The following CKAP5 variants were observed in gnomAD, a reference collection of about 807,000 sequenced individuals.
CKAP5 encodes the protein cytoskeleton associated protein 5.
CKAP5 carries 27 observed loss-of-function variants against 232.8 expected under a neutral mutation model. That is an observed-to-expected ratio of 0.12 (90% confidence interval 0.09 to 0.16). CKAP5 has a LOEUF of 0.16. Ranked by LOEUF, CKAP5 falls within the 10% of genes least tolerant of loss-of-function variation. The pLI is 1.00. For missense variants in CKAP5, 1,838 were observed against 2,424.7 expected, an observed-to-expected ratio of 0.76 and a Z score of 5.08; for synonymous variants, 785 against 841.1, an observed-to-expected ratio of 0.93 and a Z score of 1.16.
chr11:46,772,544 A>G (rs769845386), intron 24 of CKAP5, among the ~76,000 whole-genome samples: 4 of 152,168 alleles, frequency 2.6e-5, no homozygotes, highest in Non-Finnish European at 4.4e-5. Context: ...TGAAAAGACT[A>G]TACTTCCTTC....
chr11:46,822,761 AAAAG>A (rs1555167578), intron 1 of CKAP5, among the ~76,000 whole-genome samples: 1 of 118,518 alleles, frequency 8.4e-6, no homozygotes, highest in Admixed American at 9.9e-5. Context: ...AAAAAAAAAA[AAAAG>A]AAAGAAAAGG....
intron 8 of CKAP5, among the ~76,000 whole-genome samples, chr11:46,805,072 A>G (rs1381591401): frequency 7.0e-6 from 1 of 143,134 alleles, no homozygotes; most frequent in Non-Finnish European, 1.5e-5. Flanking sequence ...ACTAAAAATT[A>G]AAAAAAAAAA....
At chr11:46,762,539 G>T in intron 31 of CKAP5, 88 bp downstream of exon 31, 1 of 1,503,008 alleles carries the variant, frequency 6.7e-7, no homozygotes, top group Non-Finnish European at 9.2e-7. Flanking sequence ...ATAGGCACTG[G>T]AGAAATTTAT....
intron 16 of CKAP5, among the ~76,000 whole-genome samples, chr11:46,788,356 C>A (rs1212227332): frequency 6.6e-6 from 1 of 152,218 alleles, no homozygotes; most frequent in African/African-American, 2.4e-5. Flanking sequence ...AGGCGGATCA[C>A]CTGAGGTCAG....
intron 42 of CKAP5, among the ~76,000 whole-genome samples, chr11:46,747,799 C>A (rs1219396521): frequency 6.6e-6 from 1 of 151,848 alleles, no homozygotes; most frequent in African/African-American, 2.4e-5. Context: ...GTGGCTCACA[C>A]CTGAAATCCC....
At chr11:46,820,271 A>C (rs750873842) in intron 2 of CKAP5, among the ~76,000 whole-genome samples, 2 of 152,168 alleles carry the variant, frequency 1.3e-5, no homozygotes, top group Non-Finnish European at 2.9e-5. Flanking sequence ...ATCTGGCCTT[A>C]TTTGAAGAGC....
chr11:46,770,893 T>C lies in CKAP5; in HGVS notation c.3081A>G (p.Leu1027=), dbSNP rs760832216. The C allele has an allele frequency of 1.2e-6, 2 of 1,614,104 alleles. No individual in the cohort carries two copies. The highest frequency in any genetic ancestry group is 1.1e-5 in the South Asian group (1 of 91,076). Residue 1027 remains leucine, a synonymous_variant, in exon 25 of 44, where the codon CTA becomes CTG. Transcript: ENST00000529230. ...ILCVPHLYSC[L]EDRNGDVRKK... ...TTCGCACATCTCCATTTCGATCTTC[T>C]AGGCAGGAGTAGAGATGAGGAACAC...
chr11:46,766,849 T>C (rs1008164386), intron 27 of CKAP5, among the ~76,000 whole-genome samples: 1 of 152,152 alleles, frequency 6.6e-6, no homozygotes, highest in Non-Finnish European at 1.5e-5. Context: ...ATTGAAAGAA[T>C]TGCTGATGCA....
At chr11:46,751,577 G>A in intron 38 of CKAP5, 43 bp from the exon 39 acceptor site, 1 of 1,499,136 alleles carries the variant, frequency 6.7e-7, no homozygotes, top group South Asian at 1.2e-5. Context: ...ACTGAAGAAT[G>A]AGGATAATTT....
In CKAP5 at chr11:46,797,874, A is replaced by C; in HGVS notation, c.1269T>G (p.Ser423Arg). 6.2e-7 allele frequency: 1 copy of C among 1,614,066 alleles called. No homozygotes were observed. Among genetic ancestry groups the C allele is most frequent in the Non-Finnish European group, 8.5e-7 (1 of 1,179,994 alleles). The change falls in exon 11 of 44, where the codon AGT (serine) becomes AGG (arginine). Residue 423 changes from serine (S) to arginine (R), a missense_variant. Physicochemically the swap from Ser to Arg is moderately radical, Grantham distance 110 (BLOSUM62 -1). Transcript: ENST00000529230. The stretch of plus-strand genomic sequence containing the variant: ...GGGTAGAAGCAGTGCAGTGGCGGAA[A>C]CTTCTTGCAATAAAAAGAGATGTCT... ...KQQTSLFIAR[S>R]FRHCTASTLP... is the part of the protein sequence containing the mutation.
At chr11:46,748,968 A>G (rs1287904284) in intron 42 of CKAP5, among the ~76,000 whole-genome samples, 1 of 151,144 alleles carries the variant, frequency 6.6e-6, no homozygotes, top group Non-Finnish European at 1.5e-5. Context: ...AGTAGCTGGG[A>G]CTACAGGCGC....
At chr11:46,798,356 C>T (rs1347747498) in intron 9 of CKAP5, among the ~76,000 whole-genome samples, 184 bp from the exon 10 acceptor site, 3 of 152,046 alleles carry the variant, frequency 2.0e-5, no homozygotes, top group East Asian at 1.9e-4. Context: ...AGGTGGGTTG[C>T]TTGAGGCAAG....
chr11:46,773,315 T>A (rs1002659847), intron 24 of CKAP5, among the ~76,000 whole-genome samples: 2 of 151,878 alleles, frequency 1.3e-5, no homozygotes, highest in African/African-American at 4.8e-5. Flanking sequence ...AATGACGCGA[T>A]CTTGGCTCAC....
chr11:46,829,641 CAAT>C (rs2134705032), intron 1 of CKAP5, among the ~76,000 whole-genome samples: 1 of 152,234 alleles, frequency 6.6e-6, no homozygotes, highest in East Asian at 1.9e-4. Flanking sequence ...ATTATGTTAT[CAAT>C]AAGGCTTCTG....
rs1938696572 is a variant in CKAP5, at chr11:46,790,579, C to T, written c.1655G>A (p.Gly552Asp). Residue 552 changes from glycine (G) to aspartate (D), a missense_variant, in exon 14 of 44, where the codon GGT (glycine) becomes GAT (aspartate). Around this residue, in one of 6 missense-constraint regions of CKAP5, gnomAD observed 767 missense variants for 954.6 expected, o/e 0.80. Coordinates refer to ENST00000529230, the MANE Select transcript of CKAP5 (RefSeq NM_001008938.4). ...TGGTTTCCCCTTTTTTGGTGGCCCA[C>T]CAGCCTAAAAACAATTTAAAAAATA... Reference protein sequence around the residue: ...PLKKAPAAKAGGPPKKGKPAA... With the variant: ...PLKKAPAAKADGPPKKGKPAA... 1 of 1,608,438 alleles carries T rather than the reference C, an allele frequency of 6.2e-7. No homozygotes were observed. The highest frequency in any genetic ancestry group is 8.5e-7 in the Non-Finnish European group (1 of 1,175,396).
chr11:46,843,636 G>A (rs1940111764), intron 1 of CKAP5, among the ~76,000 whole-genome samples: 1 of 151,374 alleles, frequency 6.6e-6, no homozygotes, highest in East Asian at 1.9e-4. Context: ...AGGCTGAGAT[G>A]GGAGGATCAC....
At chr11:46,791,225 T>C (rs1051221728) in intron 13 of CKAP5, among the ~76,000 whole-genome samples, 2 of 151,192 alleles carry the variant, frequency 1.3e-5, no homozygotes, top group African/African-American at 2.4e-5. Context: ...GATACCTTTA[T>C]TTTTTTTACA....
At chr11:46,785,018 T>G (rs990578855) in intron 16 of CKAP5, among the ~76,000 whole-genome samples, 8 of 152,248 alleles carry the variant, frequency 5.3e-5, no homozygotes, top group African/African-American at 1.9e-4. Flanking sequence ...AAATACACAA[T>G]AAATTACTAT....
intron 2 of CKAP5, among the ~76,000 whole-genome samples, chr11:46,819,652 T>C (rs370193605): frequency 6.6e-6 from 1 of 152,134 alleles, no homozygotes; most frequent in African/African-American, 2.4e-5. Context: ...AAAAATGTAA[T>C]TGAAAATGTA....
Sources: allele counts gnomAD v4.1 joint callset (sites outside exome capture counted in the v4.1 genomes callset), GRCh38; gene constraint gnomAD v4.1.1; regional missense constraint gnomAD v4.1.1; transcripts MANE v1.5; gene names NCBI Gene and HGNC (gene_info 2026-07-23, HGNC 2026-07-21).